The following MERTK variants were observed in gnomAD, a reference collection of about 807,000 sequenced individuals.
MERTK encodes the protein MER proto-oncogene, tyrosine kinase, also known as tyrosine-protein kinase Mer.
Under a neutral mutation model 99.3 loss-of-function variants are expected in MERTK, and 69 were observed. That is an observed-to-expected ratio of 0.70 (90% CI 0.57 to 0.85). The LOEUF (loss-of-function observed/expected upper bound fraction) is 0.85, where lower values mean the gene tolerates loss of function less well. MERTK is among the 40% of genes least tolerant of loss of function. MERTK has a pLI of 0.00. For synonymous variants in MERTK, 426 were observed against 467.6 expected (o/e 0.91, Z 1.15); for missense variants, 1,125 against 1,249.4 (o/e 0.90, Z 1.50).
chr2:112,017,786 T>C (rs1322147725), intron 15 of MERTK, among the ~76,000 whole-genome samples: 1 of 151,994 alleles, frequency 6.6e-6, no homozygotes, highest in African/African-American at 2.4e-5. Context: ...GCAGATTGTC[T>C]CACATGGCAA....
chr2:111,946,990 CA>C (rs745977659), intron 3 of MERTK, among the ~76,000 whole-genome samples: 13 of 152,126 alleles, frequency 8.5e-5, no homozygotes, highest in Non-Finnish European at 1.5e-4. Context: ...TCTTGTTTGC[CA>C]AGGCTGGGCG....
At chr2:111,904,610 G>A (rs1333194981) in intron 1 of MERTK, among the ~76,000 whole-genome samples, 7 of 152,056 alleles carry the variant, frequency 4.6e-5, no homozygotes, top group East Asian at 1.9e-4. Flanking sequence ...TCCTGACCTC[G>A]CGATCCACCC....
At chr2:112,009,857 C>A (rs930089055) in intron 14 of MERTK, 91 bp from the exon 15 acceptor site, 10 of 964,666 alleles carry the variant, frequency 1.0e-5, no homozygotes, top group African/African-American at 1.6e-5. Context: ...CTTGGTAACA[C>A]ACGGCTTCAG....
chr2:111,960,463 A>G (rs1174149075), intron 4 of MERTK, among the ~76,000 whole-genome samples: 2 of 146,554 alleles, frequency 1.4e-5, no homozygotes, highest in African/African-American at 2.5e-5. Context: ...CCTGAGTGAC[A>G]GAGCGAGTCT....
At chr2:111,902,878 A>G (rs1288032680) in intron 1 of MERTK, among the ~76,000 whole-genome samples, 1 of 142,522 alleles carries the variant, frequency 7.0e-6, no homozygotes, top group East Asian at 2.2e-4. Context: ...TCCCAGGTTC[A>G]AGCAATTCTC....
intron 7 of MERTK, among the ~76,000 whole-genome samples, chr2:111,978,690 T>A (rs1408014761): frequency 2.0e-5 from 3 of 152,208 alleles, no homozygotes; most frequent in Non-Finnish European, 4.4e-5. Flanking sequence ...TTCAACTGAT[T>A]CATTTATGTT....
At chr2:111,945,797 A>G (rs1684951595) in intron 3 of MERTK, among the ~76,000 whole-genome samples, 1 of 152,200 alleles carries the variant, frequency 6.6e-6, no homozygotes, top group Admixed American at 6.5e-5. Context: ...GCAAGGAGGA[A>G]GCATCTTTAT....
chr2:111,929,562 T>C, intron 2 of MERTK, 22 bp downstream of exon 2: 1 of 1,416,634 alleles, frequency 7.1e-7, no homozygotes. Context: ...TTCTTCCTTT[T>C]TTATTTTTTT....
At chr2:112,004,284 G>A (rs1676936280) in intron 13 of MERTK, among the ~76,000 whole-genome samples, 2 of 151,974 alleles carry the variant, frequency 1.3e-5, no homozygotes, top group South Asian at 4.1e-4. Flanking sequence ...TCATCTAGTA[G>A]AGCTAACAAC....
chr2:111,948,806 A>G (rs1052611419), intron 4 of MERTK, among the ~76,000 whole-genome samples: 5 of 151,782 alleles, frequency 3.3e-5, no homozygotes, highest in African/African-American at 7.3e-5. Context: ...CCCACTCCCA[A>G]CTACCCTCCT....
At chr2:111,923,236 C>T (rs1684498427) in intron 1 of MERTK, among the ~76,000 whole-genome samples, 1 of 152,224 alleles carries the variant, frequency 6.6e-6, no homozygotes, top group African/African-American at 2.4e-5. Flanking sequence ...ACAGGGCAAA[C>T]TCACACAGAA....
intron 1 of MERTK, among the ~76,000 whole-genome samples, chr2:111,925,292 A>ATATATATATTTTTTTTT (rs372747015): frequency 4.1e-5 from 1 of 24,488 alleles, no homozygotes; most frequent in African/African-American, 1.4e-4. Context: ...ATATATATAT[A>ATATATATATTTTTTTTT]TTTTTTTTTT....
intron 14 of MERTK, chr2:112,008,681 T>C: frequency 4.5e-6 from 3 of 667,556 alleles, no homozygotes; most frequent in South Asian, 3.1e-5. Flanking sequence ...TTCTGGACGC[T>C]GATAGGCTCA....
intron 1 of MERTK, among the ~76,000 whole-genome samples, chr2:111,917,337 T>C (rs1000994099): frequency 1.3e-5 from 2 of 152,180 alleles, no homozygotes; most frequent in Non-Finnish European, 2.9e-5. Flanking sequence ...GGTGGAAGTC[T>C]AGATTTCTCA....
intron 15 of MERTK, among the ~76,000 whole-genome samples, chr2:112,014,827 C>T (rs180894283): frequency 2.8e-4 from 43 of 151,974 alleles, no homozygotes; most frequent in African/African-American, 9.9e-4. Context: ...GTACTAGAGA[C>T]GGGGTTTCAC....
intron 18 of MERTK, among the ~76,000 whole-genome samples, chr2:112,023,004 G>T (rs148977925): frequency 6.6e-6 from 1 of 152,242 alleles, no homozygotes; most frequent in Non-Finnish European, 1.5e-5. Flanking sequence ...GGGGCTGGGC[G>T]CAGTGGCTCA....
chr2:112,001,062 C>T, intron 10 of MERTK, 139 bp from the exon 11 acceptor site: 1 of 687,620 alleles, frequency 1.5e-6, no homozygotes, highest in African/African-American at 1.8e-5. Context: ...AGGAAAGAAA[C>T]ACGTTTCTTC....
At chr2:112,012,690 C>A (rs1159788256) in intron 15 of MERTK, among the ~76,000 whole-genome samples, 2 of 152,158 alleles carry the variant, frequency 1.3e-5, no homozygotes, top group African/African-American at 4.8e-5. Context: ...AGAAGCGGAA[C>A]CTCAGACTGA....
Position 111,982,446 on chromosome 2 carries a change from G to A in MERTK, c.1145-396G>A, listed in dbSNP as rs182201824. On this transcript the variant is annotated intron_variant, in intron 7 of 18. Coordinates refer to ENST00000295408, the MANE Select transcript of MERTK (RefSeq NM_006343.3). ...TGCCCAGGCTGAAGTGCAGTGGTAT[G>A]ATCATGTCTCACTGTAGCCTCAATC... Among the ~76,000 whole-genome samples, 328 of 152,132 alleles carry A rather than the reference G, an allele frequency of 2.2e-3. 1 individual carries two copies. The highest frequency in any genetic ancestry group is 7.3e-3 in the African/African-American group (301 of 41,492).
Sources: allele counts gnomAD v4.1 joint callset (sites outside exome capture counted in the v4.1 genomes callset), GRCh38; gene constraint gnomAD v4.1.1; transcripts MANE v1.5; gene names NCBI Gene and HGNC (gene_info 2026-07-23, HGNC 2026-07-21).